The following LRRC8D variants were observed in gnomAD, a reference collection of about 807,000 sequenced individuals.
LRRC8D encodes leucine rich repeat containing 8 VRAC subunit D.
A neutral mutation model predicts 55.8 loss-of-function variants in LRRC8D; 20 were observed. The observed-to-expected ratio is 0.36, with a 90% confidence interval of 0.25 to 0.52. The LOEUF is 0.52. Among genes scored for constraint, LRRC8D ranks in the 20% least tolerant of loss-of-function variants. The pLI, the probability that LRRC8D is intolerant of heterozygous loss-of-function variation, is 0.93. For missense variants in LRRC8D, 651 were observed against 1,030.8 expected, an observed-to-expected ratio of 0.63 and a Z score of 5.05; for synonymous variants, 352 against 377.0, an observed-to-expected ratio of 0.93 and a Z score of 0.77.
chr1:89,906,514 A>G lies in LRRC8D; in HGVS notation c.-2-26553A>G, dbSNP rs186395928. ...TCCCCAACTTCTGTTCCCTTTCTAA[A>G]GAACAAGATTTTGTGGAATTTAAAG... On this transcript the variant is annotated intron_variant, in intron 2 of 2. Coordinates refer to ENST00000337338, the MANE Select transcript of LRRC8D (RefSeq NM_001134479.2). Among the ~76,000 whole-genome samples the G allele has an allele frequency of 1.3e-4, 20 of 152,312 alleles. No individual in the cohort carries two copies. In the East Asian group the frequency reaches 3.9e-3, roughly 29 times the overall value.
intron 2 of LRRC8D, among the ~76,000 whole-genome samples, chr1:89,912,227 G>A (rs188674725): frequency 1.6e-3 from 243 of 152,158 alleles, no homozygotes; most frequent in Non-Finnish European, 2.5e-3. Flanking sequence ...CTTCAATCTT[G>A]CTTCTACATT....
intron 1 of LRRC8D, among the ~76,000 whole-genome samples, chr1:89,822,904 C>G (rs1340819577): frequency 6.6e-6 from 1 of 152,082 alleles, no homozygotes; most frequent in African/African-American, 2.4e-5. Context: ...CTGTTAAAAT[C>G]CAAGTGCAAG....
chr1:89,893,428 C>T (rs1467623498), intron 2 of LRRC8D, among the ~76,000 whole-genome samples: 1 of 152,124 alleles, frequency 6.6e-6, no homozygotes, highest in Admixed American at 6.5e-5. Context: ...TAAAATTTGA[C>T]TTTATTTGCT....
intron 2 of LRRC8D, among the ~76,000 whole-genome samples, chr1:89,884,553 C>T (rs187911304): frequency 5.0e-4 from 76 of 152,282 alleles, no homozygotes; most frequent in Admixed American, 2.3e-3. Context: ...TTTTTTCAGG[C>T]GTTGACATTG....
intron 1 of LRRC8D, 58 bp from the exon 2 acceptor site, chr1:89,843,580 C>T (rs946826699): frequency 7.2e-6 from 5 of 697,224 alleles, no homozygotes; most frequent in Admixed American, 2.0e-5. Context: ...ACTCCTTCCT[C>T]CCCGCTGCCG....
intron 2 of LRRC8D, among the ~76,000 whole-genome samples, chr1:89,879,053 C>G (rs970883346): frequency 3.3e-5 from 5 of 152,212 alleles, no homozygotes; most frequent in Middle Eastern, 3.4e-3. Flanking sequence ...GGCTGCAGCC[C>G]CTATTTTTCT....
intron 2 of LRRC8D, among the ~76,000 whole-genome samples, chr1:89,872,813 T>G (rs1662054429): frequency 6.6e-6 from 1 of 152,120 alleles, no homozygotes; most frequent in Non-Finnish European, 1.5e-5. Context: ...CTGTGTCAGG[T>G]AGACAGTACA....
chr1:89,921,580 T>C (rs2100972788), intron 2 of LRRC8D, among the ~76,000 whole-genome samples: 1 of 152,274 alleles, frequency 6.6e-6, no homozygotes, highest in African/African-American at 2.4e-5. Context: ...AGTCTTGCTC[T>C]GTTGCCCAGG....
At chr1:89,923,632 C>A (rs1047246194) in intron 2 of LRRC8D, among the ~76,000 whole-genome samples, 2 of 152,124 alleles carry the variant, frequency 1.3e-5, no homozygotes, top group Non-Finnish European at 2.9e-5. Context: ...CAAAGCAATC[C>A]TAAACACAAA....
At chr1:89,857,877 C>T (rs1041434215) in intron 2 of LRRC8D, among the ~76,000 whole-genome samples, 3 of 152,220 alleles carry the variant, frequency 2.0e-5, no homozygotes, top group African/African-American at 7.2e-5. Context: ...TGTCTTTTTG[C>T]TCTTCACTAT....
chr1:89,854,457 C>T (rs966270476), intron 2 of LRRC8D, among the ~76,000 whole-genome samples: 1 of 152,132 alleles, frequency 6.6e-6, no homozygotes, highest in Non-Finnish European at 1.5e-5. Flanking sequence ...CGCACAGGCC[C>T]TGCCTGAAAC....
At chr1:89,851,231 T>G (rs180806918) in intron 2 of LRRC8D, among the ~76,000 whole-genome samples, 1 of 152,300 alleles carries the variant, frequency 6.6e-6, no homozygotes, top group Admixed American at 6.5e-5. Context: ...CTGGTACGGC[T>G]TTTGAATGAA....
rs1168402632 is a variant in LRRC8D at position 89,911,829 on chromosome 1, C to T, written c.-2-21238C>T. Among the ~76,000 whole-genome samples the T allele has an allele frequency of 2.0e-5, 3 of 152,212 alleles. 1 individual carries two copies. The highest frequency in any genetic ancestry group is 4.4e-5 in the Non-Finnish European group (3 of 68,036). On this transcript the variant is annotated intron_variant, in intron 2 of 2. Coordinates refer to ENST00000337338, the MANE Select transcript of LRRC8D (RefSeq NM_001134479.2). This position sits in a 1 kb window ranked among gnomAD's most constrained non-coding sequence, Gnocchi z 4.0. ...CACCTGCAATGCTGCTTACCACTCTCTTCCTGAAGGGGTTGCCTCTTTTGG... is the reference window on the plus strand; with the variant it reads ...CACCTGCAATGCTGCTTACCACTCTTTTCCTGAAGGGGTTGCCTCTTTTGG...
At chr1:89,930,759 G>A (rs1047477133) in intron 2 of LRRC8D, among the ~76,000 whole-genome samples, 9 of 151,122 alleles carry the variant, frequency 6.0e-5, no homozygotes, top group African/African-American at 2.2e-4. Flanking sequence ...GCTTGATGCT[G>A]TGTTTTGTGC....
chr1:89,857,854 C>T (rs1176005799), intron 2 of LRRC8D, among the ~76,000 whole-genome samples: 8 of 152,188 alleles, frequency 5.3e-5, no homozygotes, highest in Non-Finnish European at 7.3e-5. Context: ...TTGAGGTTCT[C>T]CTCTAAGTAG....
At chr1:89,913,112 G>A (rs1319552007) in intron 2 of LRRC8D, among the ~76,000 whole-genome samples, 1 of 152,220 alleles carries the variant, frequency 6.6e-6, no homozygotes, top group Non-Finnish European at 1.5e-5. Context: ...GAAAAGGAAG[G>A]CCAAGTCAAG....
At chr1:89,848,019 A>C (rs914248097) in intron 2 of LRRC8D, among the ~76,000 whole-genome samples, 1 of 152,196 alleles carries the variant, frequency 6.6e-6, no homozygotes, top group African/African-American at 2.4e-5. Context: ...GTGATGAAAA[A>C]TGCATAATAT....
In LRRC8D at chr1:89,932,228, G is replaced by C. The variant is rs534884107; in HGVS notation, c.-2-839G>C. The stretch of plus-strand genomic sequence containing the variant: ...CGGGTCACCTGCTTTGGTAGAGATC[G>C]TATGTCTTCCTGGTGCTGACTTATT... On this transcript the variant is annotated intron_variant, in intron 2 of 2. Coordinates refer to ENST00000337338, the MANE Select transcript of LRRC8D (RefSeq NM_001134479.2). 2.0e-5 allele frequency among the ~76,000 whole-genome samples: 3 copies of C among 152,164 alleles called. No homozygotes were observed. The South Asian group carries it at 6.2e-4, about 32-fold the overall frequency.
chr1:89,914,594 AG>A (rs1663212608), intron 2 of LRRC8D, among the ~76,000 whole-genome samples: 1 of 152,172 alleles, frequency 6.6e-6, no homozygotes, highest in African/African-American at 2.4e-5. Flanking sequence ...AGACCTTTCT[AG>A]CCCATGTGGC....
Sources: gnomAD v4.1 joint callset for allele counts (sites outside exome capture counted in the v4.1 genomes callset) on GRCh38, gnomAD v4.1.1 for gene constraint, Gnocchi (gnomAD v3.1) non-coding constraint, MANE v1.5 for transcripts, NCBI Gene and HGNC (gene_info 2026-07-23, HGNC 2026-07-21) for gene names.